Variants in AP2B1 observed in about 807,000 individuals in gnomAD.
AP2B1 encodes the protein AP-2 complex subunit beta.
In AP2B1, 23 loss-of-function variants were observed where a neutral mutation model predicts 102.0. The observed-to-expected ratio is 0.23, with a 90% CI of 0.16 to 0.32. AP2B1 has a LOEUF of 0.32. AP2B1 is among the 10% of genes least tolerant of loss of function. AP2B1 has a pLI of 1.00. For synonymous variants in AP2B1, 381 were observed against 421.2 expected (o/e 0.90, Z 1.17); for missense variants, 541 against 1,157.4 (o/e 0.47, Z 7.73).
At chr17:35,656,147 C>T (rs2075213555) in intron 13 of AP2B1, among the ~76,000 whole-genome samples, 2 of 152,196 alleles carry the variant, frequency 1.3e-5, no homozygotes, top group South Asian at 4.2e-4. Context: ...GTGGCTACTG[C>T]TTTTTGTTGA....
At chr17:35,666,379 C>T (rs2075465406) in intron 14 of AP2B1, among the ~76,000 whole-genome samples, 1 of 152,184 alleles carries the variant, frequency 6.6e-6, no homozygotes, top group South Asian at 2.1e-4. Context: ...GTATTATTCT[C>T]AGTGCCATTT....
At chr17:35,650,508 C>G (rs2075061058) in intron 12 of AP2B1, 22 bp from the exon 13 acceptor site, 1 of 1,610,744 alleles carries the variant, frequency 6.2e-7, no homozygotes, top group African/African-American at 1.3e-5. Flanking sequence ...TCTCCACCTC[C>G]TTGCCTTTGC....
At chr17:35,618,499 C>T (rs1185727397) in intron 5 of AP2B1, among the ~76,000 whole-genome samples, 1 of 152,178 alleles carries the variant, frequency 6.6e-6, no homozygotes, top group Non-Finnish European at 1.5e-5. Flanking sequence ...TGCTGGAAAT[C>T]AAAGTCCTGT....
chr17:35,657,842 G>A, intron 14 of AP2B1, 51 bp downstream of exon 14: 3 of 1,529,346 alleles, frequency 2.0e-6, no homozygotes, highest in Non-Finnish European at 2.7e-6. Flanking sequence ...TTCTTGATAT[G>A]CTAGAGAGTT....
chr17:35,616,467 C>T (rs1215757952), intron 5 of AP2B1, among the ~76,000 whole-genome samples: 2 of 152,052 alleles, frequency 1.3e-5, no homozygotes, highest in Non-Finnish European at 2.9e-5. Context: ...CGCGCCCTGC[C>T]AAAATACCTC....
intron 18 of AP2B1, among the ~76,000 whole-genome samples, chr17:35,700,004 G>T (rs2143002422): frequency 6.6e-6 from 1 of 152,188 alleles, no homozygotes; most frequent in Admixed American, 6.5e-5. Context: ...GCTGAGATGG[G>T]AGGATCACTT....
chr17:35,676,531 T>G (rs765018430), intron 17 of AP2B1, among the ~76,000 whole-genome samples: 1 of 152,226 alleles, frequency 6.6e-6, no homozygotes, highest in Non-Finnish European at 1.5e-5. Context: ...GGAGTTTGGT[T>G]GTTTTCAGTT....
At chr17:35,643,294 G>T (rs2074836322) in intron 12 of AP2B1, among the ~76,000 whole-genome samples, 1 of 152,104 alleles carries the variant, frequency 6.6e-6, no homozygotes, top group African/African-American at 2.4e-5. Flanking sequence ...CACATAGAAT[G>T]ACATTATTAG....
intron 1 of AP2B1, chr17:35,587,935 A>T (rs2072951600): frequency 6.6e-6 from 1 of 152,130 alleles, no homozygotes; most frequent in African/African-American, 2.4e-5. Context: ...GGAGGAGCAT[A>T]TCGCTAGAAT....
chr17:35,680,941 C>A (rs776478381), intron 17 of AP2B1, among the ~76,000 whole-genome samples: 1 of 151,934 alleles, frequency 6.6e-6, no homozygotes, highest in Non-Finnish European at 1.5e-5. Flanking sequence ...GTGATCCGCC[C>A]GCTGCAGCCT....
chr17:35,652,147 C>T (rs1276762501), intron 13 of AP2B1, among the ~76,000 whole-genome samples: 1 of 152,186 alleles, frequency 6.6e-6, no homozygotes, highest in Admixed American at 6.5e-5. Context: ...GATTAATAGC[C>T]TTTAAGTTCT....
At chr17:35,667,688 T>C (rs1206766030) in intron 14 of AP2B1, among the ~76,000 whole-genome samples, 5 of 152,238 alleles carry the variant, frequency 3.3e-5, no homozygotes, top group African/African-American at 1.2e-4. Flanking sequence ...ATGCCTTTTA[T>C]TGAATTTAGC....
chr17:35,681,588 CT>C (rs587677591), intron 17 of AP2B1, among the ~76,000 whole-genome samples: 9 of 150,626 alleles, frequency 6.0e-5, no homozygotes, highest in African/African-American at 2.0e-4. Flanking sequence ...TCTTTTATTA[CT>C]TTTTTTTTGG....
Position 35,627,659 on chromosome 17 carries a change from C to T in AP2B1, c.1088C>T (p.Thr363Ile). 6.2e-7 allele frequency: 1 copy of T among 1,614,078 alleles called. No individual in the cohort carries two copies. The highest frequency in any genetic ancestry group is 8.5e-7 in the Non-Finnish European group (1 of 1,180,000). Residue 363 changes from threonine to isoleucine, a missense_variant, in exon 9 of 22, where the codon ACA (threonine) becomes ATA (isoleucine). This residue lies in a region of AP2B1 where 106 missense variants were observed against 296.4 expected (regional missense o/e 0.36). Coordinates refer to ENST00000610402, the MANE Select transcript of AP2B1 (RefSeq NM_001030006.2). Reference sequence around the variant, plus strand: ...CTGGCAGAACTGAAAGAATATGCTACAGAGGTGGATGTTGACTTTGTTCGA... The same window carrying T: ...CTGGCAGAACTGAAAGAATATGCTATAGAGGTGGATGTTGACTTTGTTCGA... ...QVLAELKEYA[T>I]EVDVDFVRKA... is the part of the protein sequence containing the mutation.
At chr17:35,642,700 C>T (rs1479772196) in intron 12 of AP2B1, among the ~76,000 whole-genome samples, 1 of 152,120 alleles carries the variant, frequency 6.6e-6, no homozygotes, top group Non-Finnish European at 1.5e-5. Flanking sequence ...GAATATGATT[C>T]AGATATCCAG....
intron 21 of AP2B1, among the ~76,000 whole-genome samples, chr17:35,719,639 A>C (rs1487954439): frequency 6.6e-6 from 1 of 152,200 alleles, no homozygotes; most frequent in Non-Finnish European, 1.5e-5. Flanking sequence ...TTTGAAGAAT[A>C]TTTTCTCCTT....
intron 9 of AP2B1, among the ~76,000 whole-genome samples, chr17:35,628,799 G>T (rs927766401): frequency 7.2e-5 from 11 of 152,032 alleles, no homozygotes. Flanking sequence ...CATTATCATG[G>T]TAGATTGAAA....
At chr17:35,641,352 C>T (rs1345708328) in intron 11 of AP2B1, among the ~76,000 whole-genome samples, 3 of 152,144 alleles carry the variant, frequency 2.0e-5, no homozygotes, top group East Asian at 1.9e-4. Flanking sequence ...GCGGGAGAAT[C>T]GCTTCAAGCC....
chr17:35,708,086 A>G (rs2076379438), intron 18 of AP2B1, among the ~76,000 whole-genome samples: 1 of 152,250 alleles, frequency 6.6e-6, no homozygotes, highest in East Asian at 1.9e-4. Context: ...CACAGTTTTA[A>G]GAGGTCAGTA....
Sources: gnomAD v4.1 joint callset for allele counts (sites outside exome capture counted in the v4.1 genomes callset) on GRCh38, gnomAD v4.1.1 for gene constraint, gnomAD v4.1.1 regional missense constraint, MANE v1.5 for transcripts, NCBI Gene and HGNC (gene_info 2026-07-23, HGNC 2026-07-21) for gene names.